RBMS3: variants seen among roughly 807,000 people sequenced by gnomAD.
RBMS3 encodes RNA binding motif single stranded interacting protein 3.
A neutral mutation model predicts 66.8 loss-of-function variants in RBMS3; 27 were observed. That is an observed-to-expected ratio of 0.40 (90% confidence interval 0.30 to 0.56). The LOEUF is 0.56. Among genes scored for constraint, RBMS3 ranks in the 20% least tolerant of loss-of-function variants. The probability of loss-of-function intolerance (pLI) is 0.40; values close to 1 mark genes in which losing one functional copy is unlikely to be tolerated. For missense variants in RBMS3, 513 were observed against 549.5 expected (o/e 0.93, Z 0.66); for synonymous variants, 188 against 183.0 (o/e 1.03, Z -0.22).
intron 4 of RBMS3, among the ~76,000 whole-genome samples, chr3:29,674,963 A>G (rs1283068161): frequency 6.6e-6 from 1 of 152,222 alleles, no homozygotes; most frequent in Non-Finnish European, 1.5e-5. Flanking sequence ...CTAAGCAAAA[A>G]GAACAAAGCT....
intron 3 of RBMS3, among the ~76,000 whole-genome samples, chr3:29,553,539 C>CT (rs2046245033): frequency 6.6e-6 from 1 of 152,026 alleles, no homozygotes; most frequent in Non-Finnish European, 1.5e-5. Context: ...TAATCTTGGG[C>CT]CAGGTGGCTC....
At chr3:29,606,681 A>G (rs538059927) in intron 4 of RBMS3, among the ~76,000 whole-genome samples, 194 of 152,074 alleles carry the variant, frequency 1.3e-3, no homozygotes, top group African/African-American at 4.5e-3. Flanking sequence ...TGGGAAAAAA[A>G]ACAGCAACCA....
chr3:29,338,275 A>G (rs1445651890), intron 1 of RBMS3, among the ~76,000 whole-genome samples: 1 of 152,212 alleles, frequency 6.6e-6, no homozygotes, highest in East Asian at 1.9e-4. Context: ...GAGGCTTAGA[A>G]TGTATTTAAT....
intron 5 of RBMS3, 97 bp downstream of exon 5, chr3:29,739,974 C>CAAAA (rs397989061): frequency 2.0e-4 from 113 of 562,396 alleles, no homozygotes; most frequent in South Asian, 3.5e-4. Flanking sequence ...ATAGAATATG[C>CAAAA]AAAAAAAAAA....
chr3:29,560,314 A>T (rs1339577535), intron 3 of RBMS3, among the ~76,000 whole-genome samples: 1 of 152,172 alleles, frequency 6.6e-6, no homozygotes, highest in East Asian at 1.9e-4. Flanking sequence ...GCTATATTCC[A>T]TCCCATTACT....
At chr3:29,884,472 C>CTCTCTCTCTCTT (rs1258281965) in intron 8 of RBMS3, among the ~76,000 whole-genome samples, 3 of 75,682 alleles carry the variant, frequency 4.0e-5, no homozygotes, top group East Asian at 2.6e-4. Context: ...CTCTCTCTCC[C>CTCTCTCTCTCTT]CCCCCGCTCC....
intron 4 of RBMS3, among the ~76,000 whole-genome samples, chr3:29,659,385 T>C (rs966983487): frequency 4.6e-5 from 7 of 152,134 alleles, no homozygotes; most frequent in African/African-American, 1.7e-4. Context: ...AATAATTCCC[T>C]ATTCCCCCAT....
chr3:29,990,019 G>T (rs1350343066), intron 13 of RBMS3, among the ~76,000 whole-genome samples: 1 of 152,010 alleles, frequency 6.6e-6, no homozygotes, highest in Non-Finnish European at 1.5e-5. Context: ...GGGATTAAAA[G>T]AAATATTTCA....
At chr3:29,328,516 AT>A (rs917313250) in intron 1 of RBMS3, among the ~76,000 whole-genome samples, 6 of 152,166 alleles carry the variant, frequency 3.9e-5, no homozygotes, top group African/African-American at 1.4e-4. Context: ...GTTCCATGAA[AT>A]AGTTAGATGA....
At chr3:29,747,981 A>T (rs1362973116) in intron 5 of RBMS3, among the ~76,000 whole-genome samples, 1 of 152,222 alleles carries the variant, frequency 6.6e-6, no homozygotes, top group Non-Finnish European at 1.5e-5. Context: ...GGGAGATGAC[A>T]ATAAGTATGT....
intron 1 of RBMS3, among the ~76,000 whole-genome samples, chr3:29,363,139 A>G (rs142387258): frequency 2.0e-5 from 3 of 152,148 alleles, no homozygotes; most frequent in East Asian, 1.9e-4. Context: ...GCCTCTCTCC[A>G]TGCTTTGGCC....
At chr3:29,538,466 G>A (rs1251278659) in intron 3 of RBMS3, among the ~76,000 whole-genome samples, 1 of 152,140 alleles carries the variant, frequency 6.6e-6, no homozygotes, top group African/African-American at 2.4e-5. Context: ...AAGGAACATC[G>A]TTATCCTTAT....
chr3:29,375,667 A>G (rs2038427277), intron 1 of RBMS3, among the ~76,000 whole-genome samples: 1 of 152,224 alleles, frequency 6.6e-6, no homozygotes, highest in Non-Finnish European at 1.5e-5. Flanking sequence ...TCTCACAGCA[A>G]CCAGAATGGT....
intron 1 of RBMS3, among the ~76,000 whole-genome samples, chr3:29,292,741 A>T (rs2032923976): frequency 6.6e-6 from 1 of 151,844 alleles, no homozygotes; most frequent in Admixed American, 6.6e-5. Context: ...GAAAGATAAA[A>T]TAAAGAGAAG....
chr3:29,661,368 T>C (rs1429655075), intron 4 of RBMS3, among the ~76,000 whole-genome samples: 1 of 152,236 alleles, frequency 6.6e-6, no homozygotes, highest in Non-Finnish European at 1.5e-5. Context: ...TCTGGCATTA[T>C]TATTTCTCAA....
At chr3:29,990,295 G>A (rs889447424) in intron 13 of RBMS3, among the ~76,000 whole-genome samples, 1 of 151,948 alleles carries the variant, frequency 6.6e-6, no homozygotes, top group African/African-American at 2.4e-5. Flanking sequence ...CATCACTGCA[G>A]GTATCCAGGA....
chr3:29,929,298 G>T (rs541623077), intron 10 of RBMS3, among the ~76,000 whole-genome samples: 2 of 152,236 alleles, frequency 1.3e-5, no homozygotes, highest in South Asian at 2.1e-4. Flanking sequence ...AACACCAAAA[G>T]CTACTGATAA....
chr3:29,997,437 A>G (rs1699319436), intron 14 of RBMS3, among the ~76,000 whole-genome samples: 1 of 149,436 alleles, frequency 6.7e-6, no homozygotes, highest in Admixed American at 6.7e-5. Flanking sequence ...CATCATTCTG[A>G]TACCAAAGCC....
At chr3:29,838,388 A>G (rs553890787) in intron 6 of RBMS3, among the ~76,000 whole-genome samples, 6 of 152,118 alleles carry the variant, frequency 3.9e-5, no homozygotes, top group African/African-American at 1.2e-4. Flanking sequence ...CTACAAATAT[A>G]TTCATTATTC....
Sources: allele counts gnomAD v4.1 joint callset (sites outside exome capture counted in the v4.1 genomes callset), GRCh38; gene constraint gnomAD v4.1.1; transcripts MANE v1.5; gene names NCBI Gene and HGNC (gene_info 2026-07-23, HGNC 2026-07-21).